Variants in DCC observed in about 807,000 individuals in gnomAD.
DCC encodes DCC netrin 1 receptor, also known as netrin receptor DCC.
DCC carries 58 observed loss-of-function variants against 172.5 expected under a neutral mutation model. The ratio of observed to expected loss-of-function variants is 0.34; its 90% CI spans 0.27 to 0.42. The LOEUF (loss-of-function observed/expected upper bound fraction) is 0.42. DCC is among the 10% of genes least tolerant of loss of function. DCC has a pLI of 1.00. For synonymous variants in DCC, 709 were observed against 644.5 expected (o/e 1.10, Z -1.52); for missense variants, 1,740 against 1,791.0 (o/e 0.97, Z 0.51).
intron 1 of DCC, among the ~76,000 whole-genome samples, chr18:52,522,717 C>T (rs879536823): frequency 2.0e-5 from 3 of 152,112 alleles, no homozygotes; most frequent in Admixed American, 2.0e-4. Context: ...TGTCTCATAG[C>T]TAGATTAATG....
intron 13 of DCC, among the ~76,000 whole-genome samples, chr18:53,312,685 T>G (rs1568048730): frequency 6.7e-6 from 1 of 149,484 alleles, no homozygotes; most frequent in Non-Finnish European, 1.5e-5. Flanking sequence ...GGCAGGCGCC[T>G]GTAATCCCAG....
intron 7 of DCC, among the ~76,000 whole-genome samples, chr18:53,115,520 G>A (rs1048495048): frequency 6.6e-6 from 1 of 151,330 alleles, no homozygotes; most frequent in African/African-American, 2.4e-5. Context: ...TTCAAAACTG[G>A]ACCATCCAAT....
chr18:52,769,054 C>T (rs2037299064), intron 2 of DCC, among the ~76,000 whole-genome samples: 1 of 152,160 alleles, frequency 6.6e-6, no homozygotes, highest in African/African-American at 2.4e-5. Flanking sequence ...GTCTTCAGTT[C>T]TAGGTTATTT....
intron 12 of DCC, among the ~76,000 whole-genome samples, chr18:53,266,712 C>T (rs527748203): frequency 4.0e-5 from 6 of 151,870 alleles, no homozygotes; most frequent in Non-Finnish European, 5.9e-5. Flanking sequence ...TAGGTAACCA[C>T]TAGTCTGATT....
At chr18:53,098,554 G>A (rs2144207964) in intron 7 of DCC, among the ~76,000 whole-genome samples, 2 of 152,266 alleles carry the variant, frequency 1.3e-5, no homozygotes, top group Non-Finnish European at 2.9e-5. Context: ...TATGCATTTT[G>A]AGTTGGGCTA....
chr18:53,043,541 GC>G (rs1165388373), intron 5 of DCC, among the ~76,000 whole-genome samples: 3 of 151,792 alleles, frequency 2.0e-5, no homozygotes, highest in South Asian at 2.1e-4. Context: ...ATTCTCCAAA[GC>G]CTAGTTCCCT....
At chr18:52,929,401 T>A (rs928409787) in intron 5 of DCC, among the ~76,000 whole-genome samples, 6 of 152,160 alleles carry the variant, frequency 3.9e-5, no homozygotes, top group Admixed American at 3.9e-4. Context: ...GTTTATGTGA[T>A]GTAAATAAGA....
intron 1 of DCC, among the ~76,000 whole-genome samples, chr18:52,441,732 G>T (rs2144496444): frequency 6.6e-6 from 1 of 152,174 alleles, no homozygotes; most frequent in South Asian, 2.1e-4. Context: ...AGCACCTAAG[G>T]GACTCTGCCA....
At chr18:52,805,525 TG>T (rs1461245285) in intron 2 of DCC, among the ~76,000 whole-genome samples, 14 of 152,162 alleles carry the variant, frequency 9.2e-5, no homozygotes, top group Middle Eastern at 3.4e-3. Flanking sequence ...TAGGATGAGG[TG>T]AGGATATATG....
chr18:53,023,389 T>A, intron 5 of DCC, among the ~76,000 whole-genome samples: 2 of 78,302 alleles, frequency 2.6e-5, no homozygotes, highest in South Asian at 8.8e-4. Context: ...CAAACACATA[T>A]ATAACTCAGA....
chr18:53,333,888 C>G (rs2057561254), intron 14 of DCC, among the ~76,000 whole-genome samples: 1 of 152,188 alleles, frequency 6.6e-6, no homozygotes, highest in Non-Finnish European at 1.5e-5. Flanking sequence ...GACTTACATA[C>G]CCAACTACTT....
chr18:52,807,304 C>T (rs1041797785), intron 2 of DCC, among the ~76,000 whole-genome samples: 10 of 152,110 alleles, frequency 6.6e-5, no homozygotes, highest in African/African-American at 2.2e-4. Context: ...TGAGATGCCC[C>T]ATCTGAGCAT....
At chr18:53,476,301 G>A (rs2045761916) in intron 25 of DCC, among the ~76,000 whole-genome samples, 1 of 152,116 alleles carries the variant, frequency 6.6e-6, no homozygotes, top group African/African-American at 2.4e-5. Flanking sequence ...GAGAACATTA[G>A]AATTGAGAGG....
At chr18:52,565,669 A>G (rs867987011) in intron 1 of DCC, among the ~76,000 whole-genome samples, 1 of 151,812 alleles carries the variant, frequency 6.6e-6, no homozygotes, top group Non-Finnish European at 1.5e-5. Flanking sequence ...ATATCCTTTG[A>G]CCACTTTTTG....
intron 2 of DCC, among the ~76,000 whole-genome samples, chr18:52,829,428 A>G (rs1220543790): frequency 6.6e-6 from 1 of 152,302 alleles, no homozygotes; most frequent in East Asian, 1.9e-4. Context: ...ATGGCACATC[A>G]CTGAAGTCTC....
chr18:53,227,766 T>C (rs1412226980), intron 12 of DCC, among the ~76,000 whole-genome samples: 1 of 152,202 alleles, frequency 6.6e-6, no homozygotes, highest in South Asian at 2.1e-4. Flanking sequence ...AATTTCACTT[T>C]CTTTTTTTTG....
At chr18:53,413,443 T>C (rs1234665407) in intron 20 of DCC, among the ~76,000 whole-genome samples, 1 of 152,232 alleles carries the variant, frequency 6.6e-6, no homozygotes, top group Non-Finnish European at 1.5e-5. Flanking sequence ...AAGCCATTTT[T>C]GTCTCTAATA....
chr18:53,052,753 G>A lies in DCC; in HGVS notation c.986-10552G>A, dbSNP rs376903799. Among the ~76,000 whole-genome samples the A allele has an allele frequency of 3.1e-4, 47 of 152,138 alleles. 1 individual carries two copies. Among genetic ancestry groups the A allele is most frequent in the Admixed American group, 8.5e-4 (13 of 15,272 alleles). On this transcript the variant is annotated intron_variant, in intron 5 of 28. Transcript: ENST00000442544. ...GGGGCTGTTCTCAAGTTTCCAATTA[G>A]CTGTTCATTTCATTGATGGTCCATA...
chr18:53,137,669 A>G (rs967142926), intron 7 of DCC, among the ~76,000 whole-genome samples: 76 of 152,310 alleles, frequency 5.0e-4, no homozygotes, highest in African/African-American at 1.6e-3. Context: ...ACTTTAGTGC[A>G]TATCTACCTC....
Sources: gnomAD v4.1 joint callset for allele counts (sites outside exome capture counted in the v4.1 genomes callset) on GRCh38, gnomAD v4.1.1 for gene constraint, MANE v1.5 for transcripts, NCBI Gene and HGNC (gene_info 2026-07-23, HGNC 2026-07-21) for gene names.